Variants in OSBPL3 observed in about 807,000 individuals in gnomAD.
The protein encoded by OSBPL3 is oxysterol-binding protein-related protein 3.
A neutral mutation model predicts 120.1 loss-of-function variants in OSBPL3; 65 were observed. The observed-to-expected ratio is 0.54, with a 90% CI of 0.44 to 0.67. The LOEUF (loss-of-function observed/expected upper bound fraction) is 0.67, where lower values mean the gene tolerates loss of function less well. OSBPL3 is among the 30% of genes least tolerant of loss of function. The pLI is 0.00. For synonymous variants in OSBPL3, 416 were observed against 402.6 expected, an observed-to-expected ratio of 1.03 and a Z score of -0.40; for missense variants, 1,004 against 1,082.1, an observed-to-expected ratio of 0.93 and a Z score of 1.01.
intron 2 of OSBPL3, among the ~76,000 whole-genome samples, chr7:24,882,633 T>C (rs138957834): frequency 6.6e-6 from 1 of 152,262 alleles, no homozygotes; most frequent in Admixed American, 6.5e-5. Flanking sequence ...ATGGTAGTTC[T>C]TTAGTTCTTT....
chr7:24,913,908 A>G lies in OSBPL3; in HGVS notation c.-149-21287T>C, dbSNP rs1439372423. 6.6e-6 allele frequency among the ~76,000 whole-genome samples: 1 copy of G among 152,218 alleles called. No homozygotes were observed. Among genetic ancestry groups the G allele is most frequent in the African/African-American group, 2.4e-5 (1 of 41,456 alleles). ...CTAAAGTAAAGTAAAAGTTCTACAT[A>G]TATGCATTGAAACTTTCCTAAGGAG... On this transcript the variant is annotated intron_variant, in intron 1 of 22. Transcript: ENST00000313367. This position sits in a 1 kb window ranked among gnomAD's most constrained non-coding sequence, Gnocchi z 5.3.
intron 1 of OSBPL3, among the ~76,000 whole-genome samples, chr7:24,944,193 C>A (rs188908000): frequency 6.6e-6 from 1 of 151,992 alleles, no homozygotes; most frequent in East Asian, 1.9e-4. Flanking sequence ...AATAAGATGT[C>A]TGGTTACAAT....
intron 2 of OSBPL3, among the ~76,000 whole-genome samples, chr7:24,884,660 C>T (rs1403454637): frequency 5.9e-5 from 9 of 152,198 alleles, no homozygotes; most frequent in Admixed American, 6.5e-5. Flanking sequence ...CAAACACTTA[C>T]ATAGCACTTC....
rs1055475089 is a variant in OSBPL3 at position 24,797,275 on chromosome 7, G to C, written c.*2908C>G. 1 of 152,162 alleles carries C rather than the reference G, an allele frequency of 6.6e-6. No individual in the cohort carries two copies. The highest frequency in any genetic ancestry group is 1.5e-5 in the Non-Finnish European group (1 of 68,026). 9.4% of individuals were successfully genotyped at this position (152,162 alleles called of 1,614,324 possible). ...ACAAGTAATTAAAAGCAGAATATGA[G>C]AAAAGCAGCAGTGTAAATGACGTAA... On this transcript the variant is annotated 3_prime_UTR_variant, in exon 23 of 23. Transcript: ENST00000313367. This position sits in a 1 kb window ranked among gnomAD's most constrained non-coding sequence, Gnocchi z 4.8.
chr7:24,973,274 A>G (rs1017371836), intron 1 of OSBPL3, among the ~76,000 whole-genome samples: 1 of 152,204 alleles, frequency 6.6e-6, no homozygotes, highest in African/African-American at 2.4e-5. Context: ...ATAAGTAAAC[A>G]CAGACATATA....
chr7:24,888,140 G>A (rs2128328430), intron 2 of OSBPL3, among the ~76,000 whole-genome samples: 1 of 152,260 alleles, frequency 6.6e-6, no homozygotes, highest in South Asian at 2.1e-4. Context: ...GTATGATACT[G>A]TAAAAGTTCC....
chr7:24,957,084 A>G (rs1297165408), intron 1 of OSBPL3, among the ~76,000 whole-genome samples: 1 of 152,074 alleles, frequency 6.6e-6, no homozygotes, highest in Non-Finnish European at 1.5e-5. Flanking sequence ...TGTTTAAGCC[A>G]CTCTTGAAAG....
At chr7:24,845,351 T>C (rs2128212851) in intron 12 of OSBPL3, among the ~76,000 whole-genome samples, 1 of 141,488 alleles carries the variant, frequency 7.1e-6, no homozygotes, top group South Asian at 2.2e-4. Flanking sequence ...TTCTTTGTAC[T>C]TTCCTGTGAA....
chr7:24,856,992 G>C (rs551527489), intron 10 of OSBPL3, among the ~76,000 whole-genome samples: 1 of 152,210 alleles, frequency 6.6e-6, no homozygotes, highest in South Asian at 2.1e-4. Flanking sequence ...CATTTATGCT[G>C]AATTCTAATT....
intron 1 of OSBPL3, among the ~76,000 whole-genome samples, chr7:24,901,460 G>A (rs1246461532): frequency 6.6e-6 from 1 of 152,172 alleles, no homozygotes; most frequent in Non-Finnish European, 1.5e-5. Context: ...GCTGCAATCT[G>A]GTCATAAAAG....
Position 24,854,539 on chromosome 7 carries a change from A to AC in OSBPL3, c.1028-1906_1028-1905insG, listed in dbSNP as rs1562831439. ...ACACACACACACACACACACACACA[A>AC]ACACACACAATGGTGCTGCCTCTGC... On this transcript the variant is annotated intron_variant, in intron 10 of 22. Coordinates refer to ENST00000313367, the MANE Select transcript of OSBPL3 (RefSeq NM_015550.4). The surrounding 1 kb of genome is among the most constrained non-coding windows in gnomAD (Gnocchi z 4.1). Among the ~76,000 whole-genome samples the AC allele has an allele frequency of 3.9e-4, 52 of 131,798 alleles. No individual in the cohort carries two copies. Among genetic ancestry groups the AC allele is most frequent in the South Asian group, 1.7e-3 (7 of 4,210 alleles). The allele number at this position is 131,798 out of a possible 152,430, so 86.5% of individuals were successfully genotyped here. A position where few individuals can be genotyped will look rare whatever the true frequency, so the allele number is the denominator to read the frequency against.
At chr7:24,836,996 G>A (rs1393813792) in intron 14 of OSBPL3, among the ~76,000 whole-genome samples, 1 of 151,610 alleles carries the variant, frequency 6.6e-6, no homozygotes, top group Non-Finnish European at 1.5e-5. Flanking sequence ...CAACATGCCT[G>A]GCTAATTTTT....
chr7:24,824,195 C>T lies in OSBPL3; in HGVS notation c.1885-3957G>A, dbSNP rs1316230734. ...TTACGCAAGTATTTATATGGTAACA[C>T]ATGTATCTATCTTTCTTTCTACAAG... is the stretch of plus-strand genomic sequence containing the variant. On this transcript the variant is annotated intron_variant, in intron 16 of 22. Coordinates refer to ENST00000313367, the MANE Select transcript of OSBPL3 (RefSeq NM_015550.4). The surrounding 1 kb of genome is among the most constrained non-coding windows in gnomAD (Gnocchi z 4.9). Among the ~76,000 whole-genome samples the T allele has an allele frequency of 2.6e-5, 4 of 152,178 alleles. No individual in the cohort carries two copies. Among genetic ancestry groups the T allele is most frequent in the African/African-American group, 9.7e-5 (4 of 41,442 alleles).
rs1444107770 is a variant in OSBPL3, at chr7:24,824,654, CA to C, written c.1885-4417del. Among the ~76,000 whole-genome samples the C allele has an allele frequency of 1.3e-5, 2 of 152,240 alleles. No individual in the cohort carries two copies. The highest frequency in any genetic ancestry group is 3.9e-4 in the East Asian group (2 of 5,172). ...ATGTGTCAGGCACCGTCCTAGTCAC[CA>C]AGGGTAAAAATTCTTACCCTGATGG... On this transcript the variant is annotated intron_variant, in intron 16 of 22. Transcript: ENST00000313367. This position sits in a 1 kb window ranked among gnomAD's most constrained non-coding sequence, Gnocchi z 4.9.
At position 24,863,900 on chromosome 7, in the gene OSBPL3, C is replaced by T. The variant is rs1800943850; in HGVS notation, c.674-301G>A. On this transcript the variant is annotated intron_variant, in intron 7 of 22. Transcript: ENST00000313367. This position sits in a 1 kb window ranked among gnomAD's most constrained non-coding sequence, Gnocchi z 5.8. ...CAGAAAGATGGGGATAATTATACAT[C>T]ACATGACAAGAGAGTTGTGAGAATT... Among the ~76,000 whole-genome samples the T allele has an allele frequency of 6.6e-6, 1 of 152,176 alleles. No homozygotes were observed. The highest frequency in any genetic ancestry group is 1.5e-5 in the Non-Finnish European group (1 of 68,026).
chr7:24,849,018 C>A lies in OSBPL3; in HGVS notation c.1266+51G>T. 7.8e-7 allele frequency: 1 copy of A among 1,281,648 alleles called. No homozygotes were observed. The highest frequency in any genetic ancestry group is 1.5e-5 in the African/African-American group (1 of 68,570). 79.4% of individuals were successfully genotyped at this position (1,281,648 alleles called of 1,614,324 possible). On this transcript the variant is annotated intron_variant, in intron 12 of 22. Coordinates refer to ENST00000313367, the MANE Select transcript of OSBPL3 (RefSeq NM_015550.4). This position sits in a 1 kb window ranked among gnomAD's most constrained non-coding sequence, Gnocchi z 5.4. The stretch of plus-strand genomic sequence containing the variant: ...TCGTGCAATGGGACAGATGGTATCA[C>A]GGGAGCGGGCGGCAGCTGGGGAGAC...
rs1365350986 is a variant in OSBPL3 at position 24,873,929 on chromosome 7, T to C, written c.97-1860A>G. ...AGACTCCATAGGTACTCCATCTTAC[T>C]TTTCTGGAGGTTCACCACTTACTTA... On this transcript the variant is annotated intron_variant, in intron 2 of 22. Coordinates refer to ENST00000313367, the MANE Select transcript of OSBPL3 (RefSeq NM_015550.4). The surrounding 1 kb of genome is among the most constrained non-coding windows in gnomAD (Gnocchi z 4.1). 3.3e-5 allele frequency among the ~76,000 whole-genome samples: 5 copies of C among 152,210 alleles called. No individual in the cohort carries two copies. Among genetic ancestry groups the C allele is most frequent in the African/African-American group, 1.2e-4 (5 of 41,444 alleles).
chr7:24,892,812 T>C (rs964765460), intron 1 of OSBPL3, among the ~76,000 whole-genome samples, 191 bp from the exon 2 acceptor site: 4 of 152,198 alleles, frequency 2.6e-5, no homozygotes, highest in African/African-American at 9.6e-5. Context: ...TGGTTTTTCA[T>C]GTAGCTTTGC....
chr7:24,944,636 A>C lies in OSBPL3; in HGVS notation c.-150+35250T>G, dbSNP rs568025784. ...AAGAGCGAGACTCCAAAAAAAAAAA[A>C]ATGCCATGGTGATGTTTAAGAATAT... On this transcript the variant is annotated intron_variant, in intron 1 of 22. Transcript: ENST00000313367. 2.6e-5 allele frequency among the ~76,000 whole-genome samples: 4 copies of C among 152,146 alleles called. No individual in the cohort carries two copies. The South Asian group carries it at 8.3e-4, about 32-fold the overall frequency.
Sources: gnomAD v4.1 joint callset for allele counts (sites outside exome capture counted in the v4.1 genomes callset) on GRCh38, gnomAD v4.1.1 for gene constraint, Gnocchi (gnomAD v3.1) non-coding constraint, MANE v1.5 for transcripts, NCBI Gene and HGNC (gene_info 2026-07-23, HGNC 2026-07-21) for gene names.